Variants in EFHB observed in about 807,000 individuals in gnomAD.
EFHB encodes EF-hand domain-containing family member B.
A neutral mutation model predicts 87.2 loss-of-function variants in EFHB; 91 were observed. That is an observed-to-expected ratio of 1.04 (90% CI 0.88 to 1.24). EFHB has a LOEUF of 1.24. EFHB is among the 50% of genes most tolerant of loss of function. The pLI, the probability that EFHB is intolerant of heterozygous loss-of-function variation, is 0.00. For synonymous variants in EFHB, 325 were observed against 333.6 expected (o/e 0.97, Z 0.28); for missense variants, 1,084 against 998.8 (o/e 1.09, Z -1.15).
At chr3:19,925,010 C>G (rs1695569754) in intron 1 of EFHB, among the ~76,000 whole-genome samples, 1 of 152,038 alleles carries the variant, frequency 6.6e-6, no homozygotes, top group East Asian at 1.9e-4. Flanking sequence ...CTTTGGGAAG[C>G]CGAGGTGGGC....
At chr3:19,945,531 G>C (rs1696254221) in intron 1 of EFHB, among the ~76,000 whole-genome samples, 1 of 152,174 alleles carries the variant, frequency 6.6e-6, no homozygotes, top group Admixed American at 6.6e-5. Context: ...GCAGTTCCAA[G>C]TCTGGGTGAC....
chr3:19,924,061 A>T (rs1695531011), intron 1 of EFHB, among the ~76,000 whole-genome samples: 1 of 152,090 alleles, frequency 6.6e-6, no homozygotes, highest in African/African-American at 2.4e-5. Context: ...TGAGACCCTT[A>T]TCTCTTTAAA....
chr3:19,925,524 ATATATTTACT>A (rs1203365672), intron 1 of EFHB, among the ~76,000 whole-genome samples: 2 of 152,152 alleles, frequency 1.3e-5, no homozygotes, highest in Non-Finnish European at 2.9e-5. Context: ...ATTGTCCTAA[ATATATTTACT>A]TATCTGCTTA....
chr3:19,905,836 G>C, intron 5 of EFHB, 87 bp from the exon 6 acceptor site: 1 of 1,451,472 alleles, frequency 6.9e-7, no homozygotes. Flanking sequence ...CATTGACATT[G>C]AAAATGAGAA....
chr3:19,888,385 A>G, intron 10 of EFHB, 59 bp downstream of exon 10: 1 of 1,003,374 alleles, frequency 1.0e-6, no homozygotes, highest in Non-Finnish European at 1.3e-6. Context: ...AAAAATAATA[A>G]TAATAAATTT....
upstream of EFHB, among the ~76,000 whole-genome samples, chr3:19,935,502 A>G (rs1447085507): frequency 6.6e-6 from 1 of 151,978 alleles, no homozygotes; most frequent in African/African-American, 2.4e-5. Context: ...ACTTGAGGTC[A>G]GGAGTTTGAG....
chr3:19,882,014 C>A (rs947633560), intron 12 of EFHB, among the ~76,000 whole-genome samples: 5 of 114,346 alleles, frequency 4.4e-5, no homozygotes, highest in African/African-American at 6.4e-5. Context: ...TTTTCTGAGT[C>A]AAAAATAAAT....
chr3:19,907,736 A>G (rs1158990553), intron 5 of EFHB, among the ~76,000 whole-genome samples: 1 of 152,232 alleles, frequency 6.6e-6, no homozygotes, highest in Admixed American at 6.5e-5. Flanking sequence ...ATAAGAAAGT[A>G]GGACTGAAAC....
intron 3 of EFHB, among the ~76,000 whole-genome samples, chr3:19,919,181 A>G (rs1695347051): frequency 6.6e-6 from 1 of 151,832 alleles, no homozygotes; most frequent in Non-Finnish European, 1.5e-5. Context: ...GCAAGTCACC[A>G]AGACAGTCTT....
At chr3:19,905,780 T>G in intron 5 of EFHB, 31 bp from the exon 6 acceptor site, 1 of 1,583,230 alleles carries the variant, frequency 6.3e-7, no homozygotes, top group African/African-American at 1.3e-5. Flanking sequence ...ACTTATGACT[T>G]AAGCAACACG....
chr3:19,936,439 C>G (rs1376612840), upstream of EFHB: 2 of 485,858 alleles, frequency 4.1e-6, no homozygotes, highest in Non-Finnish European at 7.3e-6. Flanking sequence ...TGGTACATGC[C>G]TATAGTCCTA....
At chr3:19,925,722 C>T (rs1695601167) in intron 1 of EFHB, among the ~76,000 whole-genome samples, 1 of 152,116 alleles carries the variant, frequency 6.6e-6, no homozygotes, top group Non-Finnish European at 1.5e-5. Flanking sequence ...AAGTGAGTCC[C>T]AAGATTCAAG....
upstream of EFHB, chr3:19,936,444 G>C: frequency 4.3e-6 from 2 of 467,840 alleles, no homozygotes. Flanking sequence ...CATGCCTATA[G>C]TCCTAGCTAC....
chr3:19,883,379 G>C (rs141248369), intron 11 of EFHB, among the ~76,000 whole-genome samples: 2 of 152,118 alleles, frequency 1.3e-5, no homozygotes, highest in East Asian at 3.8e-4. Flanking sequence ...ACAGTCTAAC[G>C]AGAGTAACAA....
chr3:19,900,815 G>C (rs1022559812), intron 6 of EFHB, among the ~76,000 whole-genome samples: 1 of 151,878 alleles, frequency 6.6e-6, no homozygotes, highest in Non-Finnish European at 1.5e-5. Context: ...TGTAATCCCA[G>C]GTACTTGGGA....
At chr3:19,939,382 T>C (rs1400877138) in intron 1 of EFHB, among the ~76,000 whole-genome samples, 5 of 103,226 alleles carry the variant, frequency 4.8e-5, no homozygotes, top group African/African-American at 1.9e-4. Flanking sequence ...TTTTTTTTTT[T>C]TTTTTTTTTT....
chr3:19,884,567 G>C lies in EFHB; in HGVS notation c.1982C>G (p.Pro661Arg). The C allele has an allele frequency of 6.2e-7, 1 of 1,613,874 alleles. No homozygotes were observed. The highest frequency in any genetic ancestry group is 8.5e-7 in the Non-Finnish European group (1 of 1,179,872). ...TGGCTTTATGAGGAGAGTTTGTTCA[G>C]GTTCTTCAACATTAGCCTCAGTAGG... is the stretch of plus-strand genomic sequence containing the variant. Reference protein sequence around the residue: ...VNPTEANVEEPEQTLLIKPED... With the variant: ...VNPTEANVEEREQTLLIKPED... Residue 661 changes from proline (P) to arginine (R), a missense_variant, in exon 11 of 13, where the codon CCT becomes CGT. By Grantham distance (103) the Pro-to-Arg change is moderately radical. Coordinates refer to ENST00000295824, the MANE Select transcript of EFHB (RefSeq NM_144715.4).
chr3:19,924,982 A>T (rs979181029), intron 1 of EFHB, among the ~76,000 whole-genome samples: 17 of 152,168 alleles, frequency 1.1e-4, no homozygotes, highest in Non-Finnish European at 1.5e-4. Flanking sequence ...GCAGTGGCTC[A>T]CACCTGTAAT....
intron 11 of EFHB, 43 bp from the exon 12 acceptor site, chr3:19,882,774 A>T: frequency 6.4e-7 from 1 of 1,573,450 alleles, no homozygotes; most frequent in Middle Eastern, 1.7e-4. Context: ...TCTAAAACAA[A>T]GCTGTGTAAC....
Sources: allele counts gnomAD v4.1 joint callset (sites outside exome capture counted in the v4.1 genomes callset), GRCh38; gene constraint gnomAD v4.1.1; transcripts MANE v1.5; gene names NCBI Gene and HGNC (gene_info 2026-07-23, HGNC 2026-07-21).